Variants in PTPRD observed in about 807,000 individuals in gnomAD.
The protein encoded by PTPRD is protein tyrosine phosphatase receptor type D, also known as receptor-type tyrosine-protein phosphatase delta.
PTPRD carries 34 observed loss-of-function variants against 214.5 expected under a neutral mutation model. The ratio of observed to expected loss-of-function variants is 0.16; its 90% CI spans 0.12 to 0.21. PTPRD has a LOEUF of 0.21. Ranked by LOEUF, PTPRD falls within the 10% of genes least tolerant of loss-of-function variation. PTPRD has a pLI of 1.00. For missense variants in PTPRD, 2,545 were observed against 2,398.7 expected (o/e 1.06, Z -1.27); for synonymous variants, 1,128 against 845.7 (o/e 1.33, Z -5.79).
At chr9:9,310,704 G>A (rs1226005309) in intron 9 of PTPRD, among the ~76,000 whole-genome samples, 2 of 152,038 alleles carry the variant, frequency 1.3e-5, no homozygotes, top group African/African-American at 4.8e-5. Context: ...GATCACCTGA[G>A]GTTGGAAGTT....
At chr9:10,353,586 G>T (rs1190769872) in intron 2 of PTPRD, among the ~76,000 whole-genome samples, 1 of 151,900 alleles carries the variant, frequency 6.6e-6, no homozygotes, top group African/African-American at 2.4e-5. Context: ...CAGCAGAAGA[G>T]TTACAAGTTT....
At chr9:9,173,697 G>A (rs2099922884) in intron 10 of PTPRD, among the ~76,000 whole-genome samples, 1 of 152,094 alleles carries the variant, frequency 6.6e-6, no homozygotes, top group Non-Finnish European at 1.5e-5. Flanking sequence ...ATGCTAGTAT[G>A]CTCTTACAGG....
At chr9:9,152,390 A>G (rs1468690803) in intron 10 of PTPRD, among the ~76,000 whole-genome samples, 2 of 152,230 alleles carry the variant, frequency 1.3e-5, no homozygotes, top group Non-Finnish European at 2.9e-5. Context: ...CTGAAAGTAA[A>G]TTCTAAAGGA....
At chr9:9,961,177 A>G (rs2094338531) in intron 4 of PTPRD, among the ~76,000 whole-genome samples, 1 of 152,124 alleles carries the variant, frequency 6.6e-6, no homozygotes, top group Non-Finnish European at 1.5e-5. Flanking sequence ...ATTTGTATAT[A>G]TAAATATAGC....
At chr9:8,676,914 GC>G (rs1190147118) in intron 12 of PTPRD, among the ~76,000 whole-genome samples, 1 of 152,166 alleles carries the variant, frequency 6.6e-6, no homozygotes, top group African/African-American at 2.4e-5. Flanking sequence ...AAAACGGAGT[GC>G]TTGGCACACA....
chr9:9,753,655 GATCCACATTGTGC>G (rs1349233365), intron 6 of PTPRD, among the ~76,000 whole-genome samples: 1 of 151,996 alleles, frequency 6.6e-6, no homozygotes, highest in Non-Finnish European at 1.5e-5. Context: ...GAGTTGGTGT[GATCCACATTGTGC>G]ATCCTGGAGG....
At chr9:9,099,545 C>T (rs1232823559) in intron 10 of PTPRD, among the ~76,000 whole-genome samples, 1 of 152,158 alleles carries the variant, frequency 6.6e-6, no homozygotes, top group African/African-American at 2.4e-5. Context: ...GTGTCAAAGC[C>T]CATATAACTA....
intron 7 of PTPRD, among the ~76,000 whole-genome samples, chr9:9,692,129 T>A (rs2803368): frequency 2.0e-5 from 3 of 151,816 alleles, no homozygotes; most frequent in East Asian, 3.9e-4. Context: ...TTAAACTTGA[T>A]GTGATTCCAT....
intron 5 of PTPRD, among the ~76,000 whole-genome samples, chr9:9,775,352 G>A (rs752509079): frequency 2.0e-5 from 3 of 152,160 alleles, no homozygotes; most frequent in Non-Finnish European, 2.9e-5. Flanking sequence ...TTTTAAGAAG[G>A]AGGAGATCAG....
intron 2 of PTPRD, among the ~76,000 whole-genome samples, chr9:10,502,086 G>C (rs1192981899): frequency 6.6e-6 from 1 of 151,828 alleles, no homozygotes; most frequent in Non-Finnish European, 1.5e-5. Flanking sequence ...TATTGTGAAA[G>C]AGGTCCCAAG....
At chr9:8,891,379 G>T (rs555957530) in intron 11 of PTPRD, among the ~76,000 whole-genome samples, 1 of 151,552 alleles carries the variant, frequency 6.6e-6, no homozygotes, top group Admixed American at 6.6e-5. Flanking sequence ...TGATCCGCCC[G>T]CCTCGGCCTC....
chr9:10,389,448 C>G (rs1043127768), intron 2 of PTPRD, among the ~76,000 whole-genome samples: 13 of 151,860 alleles, frequency 8.6e-5, no homozygotes, highest in African/African-American at 2.9e-4. Context: ...TTACACTGGT[C>G]AATGCCAGCA....
intron 5 of PTPRD, among the ~76,000 whole-genome samples, chr9:9,877,015 GT>G (rs2067080786): frequency 6.6e-6 from 1 of 152,140 alleles, no homozygotes; most frequent in South Asian, 2.1e-4. Context: ...TTTGGGTTCA[GT>G]TACATTGCTC....
chr9:9,540,591 T>C (rs2077382317), intron 8 of PTPRD, among the ~76,000 whole-genome samples: 1 of 151,974 alleles, frequency 6.6e-6, no homozygotes, highest in South Asian at 2.1e-4. Flanking sequence ...ATAACACATA[T>C]AAAGTGGGAC....
chr9:9,616,463 A>G (rs1021578985), intron 7 of PTPRD, among the ~76,000 whole-genome samples: 3 of 152,282 alleles, frequency 2.0e-5, no homozygotes, highest in East Asian at 1.9e-4. Context: ...CCAAATACAT[A>G]AAGTTGTTCA....
chr9:9,123,585 A>T (rs1278001211), intron 10 of PTPRD, among the ~76,000 whole-genome samples: 1 of 152,134 alleles, frequency 6.6e-6, no homozygotes, highest in African/African-American at 2.4e-5. Context: ...ACATGTTGTT[A>T]GCAAAGTAAC....
intron 9 of PTPRD, among the ~76,000 whole-genome samples, chr9:9,189,810 C>T (rs1446579607): frequency 6.6e-6 from 1 of 151,934 alleles, no homozygotes; most frequent in Non-Finnish European, 1.5e-5. Context: ...TTACTTTACC[C>T]ATTAGGTTGT....
chr9:9,054,656 A>G (rs2099692952), intron 10 of PTPRD, among the ~76,000 whole-genome samples: 1 of 152,150 alleles, frequency 6.6e-6, no homozygotes, highest in Admixed American at 6.6e-5. Context: ...ACCTGTTTTG[A>G]GCTTGGAACT....
At chr9:10,590,522 A>AC (rs2075165368) in intron 2 of PTPRD, among the ~76,000 whole-genome samples, 3 of 152,026 alleles carry the variant, frequency 2.0e-5, no homozygotes, top group Non-Finnish European at 4.4e-5. Flanking sequence ...AACACTATAA[A>AC]TTCTAATATT....
Sources: gnomAD v4.1 joint callset for allele counts (sites outside exome capture counted in the v4.1 genomes callset) on GRCh38, gnomAD v4.1.1 for gene constraint, MANE v1.5 for transcripts, NCBI Gene and HGNC (gene_info 2026-07-23, HGNC 2026-07-21) for gene names.